GALNTL6: variants seen among roughly 807,000 people sequenced by gnomAD.
The protein encoded by GALNTL6 is polypeptide N-acetylgalactosaminyltransferase-like 6.
A neutral mutation model predicts 73.7 loss-of-function variants in GALNTL6; 46 were observed. The ratio of observed to expected loss-of-function variants is 0.62; its 90% CI spans 0.49 to 0.80. GALNTL6 has a LOEUF of 0.80. Ranked by LOEUF, GALNTL6 falls within the 30% of genes least tolerant of loss-of-function variation. GALNTL6 has a pLI of 0.00. For missense variants in GALNTL6, 604 were observed against 755.0 expected, an observed-to-expected ratio of 0.80 and a Z score of 2.34; for synonymous variants, 259 against 263.7, an observed-to-expected ratio of 0.98 and a Z score of 0.17.
intron 5 of GALNTL6, among the ~76,000 whole-genome samples, chr4:172,546,764 T>G (rs1213917906): frequency 2.2e-4 from 1 of 4,616 alleles, no homozygotes; most frequent in Non-Finnish European, 6.2e-4. Flanking sequence ...AGGGCCTTAT[T>G]AGAGTTTTTC....
At chr4:172,679,411 CA>C (rs61373196) in intron 5 of GALNTL6, among the ~76,000 whole-genome samples, 20,286 of 117,480 alleles carry the variant, frequency 0.17, 1,542 homozygotes, top group Admixed American at 0.29. Context: ...AACTCCATCT[CA>C]AAAAAAAAAA....
At chr4:172,920,797 T>C (rs1431353718) in intron 8 of GALNTL6, among the ~76,000 whole-genome samples, 2 of 152,246 alleles carry the variant, frequency 1.3e-5, no homozygotes, top group African/African-American at 2.4e-5. Context: ...AACCTGACTT[T>C]ATATTAATAA....
At chr4:172,752,645 A>T (rs1057391734) in intron 5 of GALNTL6, among the ~76,000 whole-genome samples, 1 of 152,170 alleles carries the variant, frequency 6.6e-6, no homozygotes, top group African/African-American at 2.4e-5. Context: ...TATGTTGAAT[A>T]ATTTGCTTGA....
intron 4 of GALNTL6, among the ~76,000 whole-genome samples, chr4:172,342,138 A>G (rs62329905): frequency 0.045 from 6,825 of 152,130 alleles, 233 homozygotes; most frequent in African/African-American, 0.096. Flanking sequence ...TTTGTCACAC[A>G]TTTTATTGAA....
At chr4:172,107,353 A>G (rs1732703126) in intron 2 of GALNTL6, among the ~76,000 whole-genome samples, 1 of 152,164 alleles carries the variant, frequency 6.6e-6, no homozygotes, top group African/African-American at 2.4e-5. Context: ...CCTGTGAAAG[A>G]CATTGGTCCT....
chr4:172,615,282 A>G (rs36004028), intron 5 of GALNTL6, among the ~76,000 whole-genome samples: 3,612 of 151,270 alleles, frequency 0.024, 59 homozygotes, highest in Middle Eastern at 0.056. Context: ...TGTTCTTTTG[A>G]CATTATATAC....
intron 2 of GALNTL6, among the ~76,000 whole-genome samples, chr4:172,066,265 C>T (rs1261248282): frequency 6.6e-6 from 1 of 152,168 alleles, no homozygotes; most frequent in East Asian, 1.9e-4. Context: ...GCTCCCTACT[C>T]CCAACTCCTG....
At chr4:172,693,054 G>C (rs7659511) in intron 5 of GALNTL6, among the ~76,000 whole-genome samples, 1 of 151,916 alleles carries the variant, frequency 6.6e-6, no homozygotes. Flanking sequence ...ACAACACTAC[G>C]ATTGGCCAAA....
chr4:171,916,356 A>AT (rs1737632698), intron 2 of GALNTL6, among the ~76,000 whole-genome samples: 1 of 152,148 alleles, frequency 6.6e-6, no homozygotes, highest in East Asian at 1.9e-4. Flanking sequence ...AATATATGTC[A>AT]TGACATAGTG....
intron 5 of GALNTL6, among the ~76,000 whole-genome samples, chr4:172,617,403 C>CAAAAAAAA (rs34182269): frequency 8.6e-6 from 1 of 116,932 alleles, no homozygotes; most frequent in African/African-American, 2.9e-5. Context: ...GAAAGACACT[C>CAAAAAAAA]AAAAAAAAAA....
chr4:172,950,208 G>T (rs1749376561), intron 9 of GALNTL6, among the ~76,000 whole-genome samples: 1 of 152,160 alleles, frequency 6.6e-6, no homozygotes, highest in Admixed American at 6.5e-5. Context: ...TGTTGACTCT[G>T]ATCATCTGTC....
chr4:172,752,090 C>G (rs1181336094), intron 5 of GALNTL6, among the ~76,000 whole-genome samples: 1 of 149,154 alleles, frequency 6.7e-6, no homozygotes, highest in Non-Finnish European at 1.5e-5. Context: ...TGCCAAAACC[C>G]TACAAGTGAG....
chr4:172,627,938 CAA>C (rs33949290), intron 5 of GALNTL6, among the ~76,000 whole-genome samples: 3 of 150,244 alleles, frequency 2.0e-5, no homozygotes, highest in Non-Finnish European at 4.4e-5. Context: ...TTTATCCTTT[CAA>C]AAAAAAAACT....
At chr4:172,211,020 G>T (rs184952602) in intron 2 of GALNTL6, among the ~76,000 whole-genome samples, 6 of 152,272 alleles carry the variant, frequency 3.9e-5, no homozygotes, top group Admixed American at 3.9e-4. Context: ...AGCTCTTTCA[G>T]TTGGCTCTTG....
At chr4:172,310,066 G>GA (rs1318097517) in intron 3 of GALNTL6, among the ~76,000 whole-genome samples, 4 of 152,002 alleles carry the variant, frequency 2.6e-5, no homozygotes, top group African/African-American at 9.7e-5. Flanking sequence ...CGTTCATACA[G>GA]AAAAATAAAC....
chr4:172,888,378 G>T (rs978502817), intron 8 of GALNTL6, among the ~76,000 whole-genome samples: 2 of 152,144 alleles, frequency 1.3e-5, no homozygotes, highest in African/African-American at 4.8e-5. Context: ...GTGAGAAGTA[G>T]GAGTCCAGTT....
chr4:172,149,588 C>T (rs917421079), intron 2 of GALNTL6, among the ~76,000 whole-genome samples: 1 of 152,244 alleles, frequency 6.6e-6, no homozygotes, highest in South Asian at 2.1e-4. Context: ...CATCTTAAAG[C>T]TGCTGCCACC....
At chr4:172,468,111 CA>C (rs1272818687) in intron 5 of GALNTL6, among the ~76,000 whole-genome samples, 2 of 152,048 alleles carry the variant, frequency 1.3e-5, no homozygotes, top group Non-Finnish European at 2.9e-5. Context: ...AGGCTGTTCT[CA>C]AACTCCTAGC....
chr4:172,894,657 T>C (rs1746223927), intron 8 of GALNTL6, among the ~76,000 whole-genome samples: 1 of 152,202 alleles, frequency 6.6e-6, no homozygotes, highest in Admixed American at 6.5e-5. Flanking sequence ...TGCATATTAA[T>C]TGGATGAAAT....
Sources: allele counts gnomAD v4.1 joint callset (sites outside exome capture counted in the v4.1 genomes callset), GRCh38; gene constraint gnomAD v4.1.1; transcripts MANE v1.5; gene names NCBI Gene and HGNC (gene_info 2026-07-23, HGNC 2026-07-21).